Variants in ELMO1 observed in about 807,000 individuals in gnomAD.
ELMO1 encodes engulfment and cell motility protein 1.
In ELMO1, 26 loss-of-function variants were observed where a neutral mutation model predicts 98.9. That is an observed-to-expected ratio of 0.26 (90% CI 0.19 to 0.36). ELMO1 has a LOEUF of 0.36. ELMO1 is among the 10% of genes least tolerant of loss of function. ELMO1 has a pLI of 1.00. For synonymous variants in ELMO1, 346 were observed against 346.0 expected, an observed-to-expected ratio of 1.00 and a Z score of 0.00; for missense variants, 627 against 935.2, an observed-to-expected ratio of 0.67 and a Z score of 4.30.
chr7:37,405,750 C>T (rs1364123662), intron 1 of ELMO1, among the ~76,000 whole-genome samples: 1 of 152,142 alleles, frequency 6.6e-6, no homozygotes, highest in Non-Finnish European at 1.5e-5. Flanking sequence ...AATCCTCCTC[C>T]GATACTCCAA....
At chr7:37,431,879 TG>T (rs1307051525) in intron 1 of ELMO1, among the ~76,000 whole-genome samples, 2 of 152,118 alleles carry the variant, frequency 1.3e-5, no homozygotes. Flanking sequence ...TTTGTTTGTT[TG>T]TTTGTTTGTT....
At position 36,953,839 on chromosome 7, in the gene ELMO1, TTGTGTGTGTGTGTG is replaced by T. The variant is rs10522376; in HGVS notation, c.1438-58836_1438-58823del. ...TTCTGGTACAGTGTATGGGTATGTTTTGTGTGTGTGTGTGTGTGTGTGTGTGTGTGTGTGTGTGT... is the reference window on the plus strand; with the variant it reads ...TTCTGGTACAGTGTATGGGTATGTTTTGTGTGTGTGTGTGTGTGTGTGTGT... On this transcript the variant is annotated intron_variant, in intron 16 of 21. Transcript: ENST00000310758. Among the ~76,000 whole-genome samples, 926 of 136,250 alleles carry T rather than the reference TTGTGTGTGTGTGTG, an allele frequency of 6.8e-3. 1 individual carries two copies. Among genetic ancestry groups the T allele is most frequent in the Middle Eastern group, 0.023 (6 of 264 alleles). 89.4% of individuals were successfully genotyped at this position (136,250 alleles called of 152,430 possible). A position where few individuals can be genotyped will look rare whatever the true frequency, so the allele number is the denominator to read the frequency against.
intron 1 of ELMO1, among the ~76,000 whole-genome samples, chr7:37,407,610 T>A (rs749557235): frequency 7.9e-5 from 12 of 152,048 alleles, no homozygotes; most frequent in Non-Finnish European, 1.8e-4. Context: ...TATGTCATTC[T>A]GGAAAAGGCA....
chr7:36,992,532 C>T (rs1791944365), intron 16 of ELMO1, among the ~76,000 whole-genome samples: 1 of 152,184 alleles, frequency 6.6e-6, no homozygotes, highest in South Asian at 2.1e-4. Flanking sequence ...CCAAAATTCT[C>T]AGCTGAGTCT....
chr7:37,148,612 CT>C (rs1201198995), intron 13 of ELMO1, among the ~76,000 whole-genome samples: 1 of 152,110 alleles, frequency 6.6e-6, no homozygotes, highest in African/African-American at 2.4e-5. Flanking sequence ...AATAAATTTC[CT>C]TTAAAATTGA....
chr7:37,098,943 C>T (rs1002611322), intron 14 of ELMO1, among the ~76,000 whole-genome samples: 1 of 152,156 alleles, frequency 6.6e-6, no homozygotes, highest in African/African-American at 2.4e-5. Flanking sequence ...TTGTATTTCA[C>T]ATTAACATTC....
At chr7:37,028,195 G>C (rs1054396684) in intron 15 of ELMO1, among the ~76,000 whole-genome samples, 1 of 152,186 alleles carries the variant, frequency 6.6e-6, no homozygotes, top group African/African-American at 2.4e-5. Context: ...GGGAGAGCCA[G>C]GGTTTAACAC....
intron 1 of ELMO1, among the ~76,000 whole-genome samples, chr7:37,368,515 C>T (rs1273071150): frequency 6.6e-6 from 1 of 152,146 alleles, no homozygotes; most frequent in African/African-American, 2.4e-5. Context: ...TTCCACCTCC[C>T]TGTCTCTGAT....
chr7:36,909,940 T>C (rs933748730), intron 16 of ELMO1, among the ~76,000 whole-genome samples: 15 of 152,050 alleles, frequency 9.9e-5, no homozygotes, highest in Admixed American at 7.9e-4. Flanking sequence ...GACAAATAAA[T>C]GGGAGTGAGT....
At chr7:37,052,785 T>C (rs1432288766) in intron 15 of ELMO1, among the ~76,000 whole-genome samples, 1 of 152,216 alleles carries the variant, frequency 6.6e-6, no homozygotes, top group African/African-American at 2.4e-5. Context: ...CCTGAATTGC[T>C]GCAGGGTAGG....
At chr7:36,954,601 T>C (rs1788287578) in intron 16 of ELMO1, among the ~76,000 whole-genome samples, 1 of 152,152 alleles carries the variant, frequency 6.6e-6, no homozygotes. Context: ...AAGGCCAATC[T>C]CAGCTGGGGT....
intron 15 of ELMO1, among the ~76,000 whole-genome samples, chr7:37,088,042 G>C (rs1261076053): frequency 1.3e-5 from 2 of 152,094 alleles, no homozygotes; most frequent in Non-Finnish European, 2.9e-5. Flanking sequence ...CTTTCAACAG[G>C]TCTGTATCTC....
At chr7:37,119,285 C>A (rs545136319) in intron 14 of ELMO1, among the ~76,000 whole-genome samples, 7 of 152,276 alleles carry the variant, frequency 4.6e-5, no homozygotes, top group Admixed American at 3.3e-4. Flanking sequence ...AAGGAAAGGG[C>A]ATAAGGTTTC....
At chr7:37,373,417 G>GC (rs1802198471) in intron 1 of ELMO1, among the ~76,000 whole-genome samples, 2 of 151,990 alleles carry the variant, frequency 1.3e-5, no homozygotes, top group Admixed American at 1.3e-4. Context: ...GACCAGCCTG[G>GC]CCAATATGTT....
At chr7:36,969,362 T>C (rs1381528097) in intron 16 of ELMO1, among the ~76,000 whole-genome samples, 3 of 152,222 alleles carry the variant, frequency 2.0e-5, no homozygotes, top group Admixed American at 2.0e-4. Flanking sequence ...AGCTATATTT[T>C]TATTCATTTC....
intron 14 of ELMO1, among the ~76,000 whole-genome samples, chr7:37,122,354 G>C (rs905847717): frequency 3.9e-5 from 6 of 152,172 alleles, no homozygotes; most frequent in Non-Finnish European, 7.3e-5. Context: ...ATTGGATAAT[G>C]AGTCAAGACC....
At chr7:37,047,730 G>A (rs1300059348) in intron 15 of ELMO1, among the ~76,000 whole-genome samples, 1 of 152,076 alleles carries the variant, frequency 6.6e-6, no homozygotes, top group African/African-American at 2.4e-5. Context: ...CCTAAATAAA[G>A]TATATAATTT....
chr7:37,247,676 G>A (rs1182874255), intron 6 of ELMO1, among the ~76,000 whole-genome samples: 1 of 152,164 alleles, frequency 6.6e-6, no homozygotes, highest in Non-Finnish European at 1.5e-5. Flanking sequence ...CCAAAGTCAT[G>A]AAAGAAAAGG....
intron 15 of ELMO1, among the ~76,000 whole-genome samples, chr7:37,022,235 A>G (rs188852034): frequency 5.8e-4 from 88 of 152,316 alleles, no homozygotes; most frequent in Non-Finnish European, 7.4e-5. Context: ...ATCATAAGAA[A>G]ACTGTTTGAT....
Sources: allele counts gnomAD v4.1 joint callset (sites outside exome capture counted in the v4.1 genomes callset), GRCh38; gene constraint gnomAD v4.1.1; transcripts MANE v1.5; gene names NCBI Gene and HGNC (gene_info 2026-07-23, HGNC 2026-07-21).